ZNF385D: variants seen among roughly 807,000 people sequenced by gnomAD.
ZNF385D encodes the protein zinc finger protein 659.
Under a neutral mutation model 35.8 loss-of-function variants are expected in ZNF385D, and 15 were observed. That is an observed-to-expected ratio of 0.42 (90% CI 0.28 to 0.64). The LOEUF is 0.64. Among genes scored for constraint, ZNF385D ranks in the 30% least tolerant of loss-of-function variants. The probability of loss-of-function intolerance (pLI) is 0.23; values close to 1 mark genes in which losing one functional copy is unlikely to be tolerated. For synonymous variants in ZNF385D, 212 were observed against 186.8 expected (o/e 1.13, Z -1.10); for missense variants, 474 against 494.6 (o/e 0.96, Z 0.39).
chr3:21,979,013 C>A (rs1398038396), intron 3 of ZNF385D, among the ~76,000 whole-genome samples: 1 of 152,108 alleles, frequency 6.6e-6, no homozygotes, highest in Non-Finnish European at 1.5e-5. Context: ...AAAATTCAGG[C>A]TCACCAGCTC....
At chr3:21,835,136 T>G (rs1300393799) in intron 3 of ZNF385D, among the ~76,000 whole-genome samples, 2 of 152,026 alleles carry the variant, frequency 1.3e-5, no homozygotes, top group African/African-American at 2.4e-5. Context: ...TAGTTATTAT[T>G]TAAATTCAAA....
intron 2 of ZNF385D, among the ~76,000 whole-genome samples, chr3:21,569,684 T>G: frequency 6.6e-6 from 1 of 151,848 alleles, no homozygotes; most frequent in Non-Finnish European, 1.5e-5. Context: ...TTGGCATGAT[T>G]TTGCAGCGGC....
rs187723068 is a variant in ZNF385D, at chr3:21,822,612, G to A, written c.326-157584C>T. Among the ~76,000 whole-genome samples the A allele has an allele frequency of 5.0e-3, 756 of 152,046 alleles. 1 individual carries two copies. Among genetic ancestry groups the A allele is most frequent in the Non-Finnish European group, 8.7e-3 (590 of 67,986 alleles). On this transcript the variant is annotated intron_variant, in intron 3 of 5. Transcript: ENST00000494108. ...CATAGAAACTTCTGGAATGGAAACC[G>A]AAAAAGAATGACATGCACAAGAAAG...
intron 2 of ZNF385D, among the ~76,000 whole-genome samples, chr3:22,245,523 G>A (rs1207957287): frequency 6.6e-6 from 1 of 151,660 alleles, no homozygotes; most frequent in Non-Finnish European, 1.5e-5. Context: ...TTAAAGTAGG[G>A]AGCGCATTTC....
At chr3:22,024,780 C>T (rs943621555) in intron 3 of ZNF385D, among the ~76,000 whole-genome samples, 6 of 151,988 alleles carry the variant, frequency 3.9e-5, no homozygotes, top group Non-Finnish European at 7.4e-5. Context: ...AGGAACGTAA[C>T]GAAGCTGGAT....
At chr3:22,002,048 C>A (rs1695874095) in intron 3 of ZNF385D, among the ~76,000 whole-genome samples, 1 of 150,926 alleles carries the variant, frequency 6.6e-6, no homozygotes, top group Non-Finnish European at 1.5e-5. Context: ...AAAACAAGAG[C>A]AAACCAAACT....
At chr3:21,696,631 A>G (rs1425258508) in intron 1 of ZNF385D, among the ~76,000 whole-genome samples, 1 of 152,248 alleles carries the variant, frequency 6.6e-6, no homozygotes, top group African/African-American at 2.4e-5. Flanking sequence ...TATCCACACA[A>G]CATACCCATA....
Position 21,997,865 on chromosome 3 carries a change from G to T in ZNF385D, c.325+170952C>A, listed in dbSNP as rs952352010. The stretch of plus-strand genomic sequence containing the variant: ...GTTGATGTTGCTATTTGGCGCGCGC[G>T]CGCGCGCGTGTGTGTGTGTGTGTGT... On this transcript the variant is annotated intron_variant, in intron 3 of 5. Coordinates refer to the ZNF385D transcript ENST00000494108. Among the ~76,000 whole-genome samples the T allele has an allele frequency of 4.3e-5, 4 of 92,848 alleles. No homozygotes were observed. In the East Asian group the frequency reaches 1.1e-3, roughly 26 times the overall value. The allele number at this position is 92,848 out of a possible 152,430, so 60.9% of individuals were successfully genotyped here.
intron 3 of ZNF385D, among the ~76,000 whole-genome samples, chr3:21,538,030 C>T (rs560960846): frequency 3.9e-5 from 6 of 151,918 alleles, no homozygotes; most frequent in Non-Finnish European, 7.4e-5. Context: ...GTATATGTAA[C>T]ATTCTGTAAG....
chr3:22,129,004 G>A (rs546140456), intron 3 of ZNF385D, among the ~76,000 whole-genome samples: 4 of 152,232 alleles, frequency 2.6e-5, no homozygotes, highest in Non-Finnish European at 5.9e-5. Context: ...TGAGTGTTGT[G>A]TTCTAAGTCT....
Position 22,084,136 on chromosome 3 carries a change from T to A in ZNF385D, c.325+84681A>T, listed in dbSNP as rs188696384. On this transcript the variant is annotated intron_variant, in intron 3 of 5. Transcript: ENST00000494108. ...CCAGCCACTGCAAAAACATGCCAAA[T>A]TGTAACGACCATCGTTGCTAGGAAG... Among the ~76,000 whole-genome samples the A allele has an allele frequency of 4.7e-3, 722 of 152,256 alleles. 10 individuals carry two copies. The highest frequency in any genetic ancestry group is 0.016 in the African/African-American group (657 of 41,540).
chr3:22,276,110 C>G (rs1701413869), intron 2 of ZNF385D, among the ~76,000 whole-genome samples: 1 of 151,774 alleles, frequency 6.6e-6, no homozygotes, highest in Non-Finnish European at 1.5e-5. Flanking sequence ...AATCATGAGA[C>G]TTGAAATGGT....
At chr3:21,892,061 C>T (rs192793916) in intron 3 of ZNF385D, among the ~76,000 whole-genome samples, 17 of 152,186 alleles carry the variant, frequency 1.1e-4, no homozygotes, top group African/African-American at 2.9e-4. Flanking sequence ...TGGTTTGTTT[C>T]GAGGGCAACT....
chr3:21,519,792 G>A (rs1014664136), intron 3 of ZNF385D, among the ~76,000 whole-genome samples: 1 of 152,158 alleles, frequency 6.6e-6, no homozygotes, highest in Non-Finnish European at 1.5e-5. Flanking sequence ...CTCAGCCAGT[G>A]TACAAAATCC....
intron 2 of ZNF385D, among the ~76,000 whole-genome samples, chr3:21,565,015 A>G (rs1398693337): frequency 6.6e-6 from 1 of 152,222 alleles, no homozygotes; most frequent in African/African-American, 2.4e-5. Flanking sequence ...TGCTAATGCC[A>G]GCAATCTAAC....
At position 22,167,695 on chromosome 3, in the gene ZNF385D, T is replaced by G. The variant is rs76097638; in HGVS notation, c.325+1122A>C. On this transcript the variant is annotated intron_variant, in intron 3 of 5. Coordinates refer to the ZNF385D transcript ENST00000494108. Reference sequence around the variant, plus strand: ...AAGGACATTGCTGGCCAGGTGTTTCTGGCTGGCAAAAGTGATCAAGAAATG... The same window carrying G: ...AAGGACATTGCTGGCCAGGTGTTTCGGGCTGGCAAAAGTGATCAAGAAATG... Among the ~76,000 whole-genome samples, 1,391 of 152,328 alleles carry G rather than the reference T, an allele frequency of 9.1e-3. 16 individuals are homozygous for G. The highest frequency in any genetic ancestry group is 0.031 in the African/African-American group (1,304 of 41,564).
Position 22,145,008 on chromosome 3 carries a change from A to G in ZNF385D, c.325+23809T>C, listed in dbSNP as rs921351262. On this transcript the variant is annotated intron_variant, in intron 3 of 5. Transcript: ENST00000494108. ...ACTAGAAATACAGTGTTGAAGATAC[A>G]TATGTGTGTGTGTGTGTGTGTGTGT... Among the ~76,000 whole-genome samples the G allele has an allele frequency of 1.5e-4, 9 of 61,830 alleles. No individual in the cohort carries two copies. The South Asian group carries it at 4.3e-3, about 30-fold the overall frequency. 40.6% of individuals were successfully genotyped at this position (61,830 alleles called of 152,430 possible). A position where few individuals can be genotyped will look rare whatever the true frequency, so the allele number is the denominator to read the frequency against.
rs553088650 is a variant in ZNF385D, at chr3:22,079,448, A to AG, written c.325+89368dup. The stretch of plus-strand genomic sequence containing the variant: ...AGATCTTTTCTATAATTCTAAATGG[A>AG]GGGGTTCAACAAAAGTTTAGCTTGG... On this transcript the variant is annotated intron_variant, in intron 3 of 5. Coordinates refer to the ZNF385D transcript ENST00000494108. Among the ~76,000 whole-genome samples, 45 of 152,104 alleles carry AG rather than the reference A, an allele frequency of 3.0e-4. 1 individual carries two copies. In the South Asian group the frequency reaches 8.7e-3, roughly 29 times the overall value.
chr3:22,359,497 A>G (rs1696316187), intron 2 of ZNF385D, among the ~76,000 whole-genome samples: 2 of 151,880 alleles, frequency 1.3e-5, no homozygotes, highest in Admixed American at 1.3e-4. Flanking sequence ...CAGAAAATAA[A>G]TGTAACAATA....
Sources: allele counts gnomAD v4.1 joint callset (sites outside exome capture counted in the v4.1 genomes callset), GRCh38; gene constraint gnomAD v4.1.1; transcripts MANE v1.5; gene names NCBI Gene and HGNC (gene_info 2026-07-23, HGNC 2026-07-21).